ELP4: variants seen among roughly 807,000 people sequenced by gnomAD.
The protein encoded by ELP4 is elongator acetyltransferase complex subunit 4.
In ELP4, 51 loss-of-function variants were observed where a neutral mutation model predicts 48.9. The observed-to-expected ratio is 1.04, with a 90% CI of 0.83 to 1.32. The LOEUF (loss-of-function observed/expected upper bound fraction) is 1.32, where lower values mean the gene tolerates loss of function less well. Among genes scored for constraint, ELP4 ranks in the 40% most tolerant of loss-of-function variants. The probability of loss-of-function intolerance (pLI) is 0.00; values close to 1 mark genes in which losing one functional copy is unlikely to be tolerated. For synonymous variants in ELP4, 210 were observed against 189.2 expected, an observed-to-expected ratio of 1.11 and a Z score of -0.90; for missense variants, 519 against 514.6, an observed-to-expected ratio of 1.01 and a Z score of -0.08.
At chr11:31,714,566 A>G (rs780385837) in intron 9 of ELP4, 32 of 397,938 alleles carry the variant, frequency 8.0e-5, no homozygotes, top group Non-Finnish European at 1.3e-4. Context: ...TATTGCTGCT[A>G]TGAAAAATTG....
chr11:31,562,730 A>G (rs1362519008), intron 3 of ELP4, among the ~76,000 whole-genome samples: 1 of 152,164 alleles, frequency 6.6e-6, no homozygotes, highest in African/African-American at 2.4e-5. Context: ...TAGTTGAAGT[A>G]TGCGTGGAAA....
intron 9 of ELP4, among the ~76,000 whole-genome samples, chr11:31,685,000 A>C (rs923083703): frequency 5.9e-5 from 9 of 152,220 alleles, no homozygotes; most frequent in Non-Finnish European, 1.0e-4. Flanking sequence ...TGGTACTTTA[A>C]GACATAATAC....
intron 2 of ELP4, 143 bp from the exon 3 acceptor site, chr11:31,539,519 C>A: frequency 1.5e-6 from 1 of 677,536 alleles, no homozygotes. Flanking sequence ...ATCTATGCCT[C>A]AGGAATACGC....
rs117893297 is a variant in ELP4, at chr11:31,682,927, G to A, written c.1143+32706G>A. 1.8e-3 allele frequency among the ~76,000 whole-genome samples: 281 copies of A among 151,992 alleles called. 7 individuals carry two copies. The East Asian group carries it at 0.039, about 21-fold the overall frequency. ...TATTTTGACACCTTGCCCATTTGACGGTAAGTTTCTTGAGGTCAGAAAGTC... is the reference window on the plus strand; with the variant it reads ...TATTTTGACACCTTGCCCATTTGACAGTAAGTTTCTTGAGGTCAGAAAGTC... On this transcript the variant is annotated intron_variant, in intron 9 of 9. Transcript: ENST00000640961.
intron 9 of ELP4, among the ~76,000 whole-genome samples, chr11:31,756,708 G>A (rs970456942): frequency 1.3e-5 from 2 of 152,164 alleles, no homozygotes; most frequent in African/African-American, 4.8e-5. Context: ...GAGAGGACAG[G>A]GAGGTTTTAA....
At position 31,597,895 on chromosome 11, in the gene ELP4, A is replaced by G. The variant is rs1957701702; in HGVS notation, c.513+2994A>G. ...TTTGGTCTTTTCATTGGTAATTAGC[A>G]TTCTCAAGTGAAATGGTTGTCAAAA... On this transcript the variant is annotated intron_variant, in intron 4 of 9. Coordinates refer to ENST00000640961, the MANE Select transcript of ELP4 (RefSeq NM_019040.5). Among the ~76,000 whole-genome samples, 4 of 149,720 alleles carry G rather than the reference A, an allele frequency of 2.7e-5. No individual in the cohort carries two copies. The South Asian group carries it at 8.4e-4, about 31-fold the overall frequency.
chr11:31,789,829 A>C lies in ELP4; in HGVS notation c.*6305A>C, dbSNP rs765087371. 4 of 1,034,540 alleles carry C rather than the reference A, an allele frequency of 3.9e-6. No homozygotes were observed. In the South Asian group the frequency reaches 5.4e-5, roughly 14 times the overall value. The allele number at this position is 1,034,540 out of a possible 1,614,324, so 64.1% of individuals were successfully genotyped here. ...ACAATTGTAGAACTGAAGCGGCTCT[A>C]ACAGCCATTTTTCTTTCTTTCCTGA... On this transcript the variant is annotated 3_prime_UTR_variant, in exon 10 of 10. Transcript: ENST00000640961.
At chr11:31,514,362 T>TG (rs951891984) in intron 1 of ELP4, among the ~76,000 whole-genome samples, 11 of 152,140 alleles carry the variant, frequency 7.2e-5, no homozygotes, top group African/African-American at 2.4e-4. Flanking sequence ...AGGAGGCTGA[T>TG]GGGGGAGAAG....
chr11:31,548,197 T>A (rs1956770780), intron 3 of ELP4, among the ~76,000 whole-genome samples: 1 of 152,178 alleles, frequency 6.6e-6, no homozygotes, highest in South Asian at 2.1e-4. Context: ...AGTCAAATTG[T>A]CCCTGTTTAC....
At position 31,786,930 on chromosome 11, in the gene ELP4, A is replaced by C; in HGVS notation, c.*3406A>C. On this transcript the variant is annotated 3_prime_UTR_variant, in exon 10 of 10. Coordinates refer to ENST00000640961, the MANE Select transcript of ELP4 (RefSeq NM_019040.5). ...GACGTTTAGTCCTGGGATTCTACTG[A>C]AGTCTTCACAAATAATCTCCATCCT... The C allele has an allele frequency of 9.1e-6, 2 of 220,438 alleles. No homozygotes were observed. Among genetic ancestry groups the C allele is most frequent in the Non-Finnish European group, 1.8e-5 (2 of 110,034 alleles). The allele number at this position is 220,438 out of a possible 1,614,324, so 13.7% of individuals were successfully genotyped here. A position where few individuals can be genotyped will look rare whatever the true frequency, so the allele number is the denominator to read the frequency against.
At chr11:31,717,301 T>G (rs758453544) in intron 9 of ELP4, among the ~76,000 whole-genome samples, 2 of 152,234 alleles carry the variant, frequency 1.3e-5, no homozygotes, top group Non-Finnish European at 2.9e-5. Context: ...CGCAGTCACA[T>G]TAGCAGTAAC....
intron 6 of ELP4, among the ~76,000 whole-genome samples, chr11:31,630,101 A>T (rs558327598): frequency 6.6e-6 from 1 of 152,100 alleles, no homozygotes; most frequent in Non-Finnish European, 1.5e-5. Context: ...AGGGTGTCTT[A>T]GGTGGTTGTC....
intron 6 of ELP4, among the ~76,000 whole-genome samples, chr11:31,627,640 T>G (rs1944774236): frequency 6.6e-6 from 1 of 152,080 alleles, no homozygotes; most frequent in Non-Finnish European, 1.5e-5. Context: ...AATACATTTT[T>G]ATTTGCCATA....
intron 2 of ELP4, among the ~76,000 whole-genome samples, chr11:31,525,505 TGAA>T (rs1956282581): frequency 6.6e-6 from 1 of 152,010 alleles, no homozygotes; most frequent in South Asian, 2.1e-4. Context: ...AAAGGAGTGA[TGAA>T]GAAAAAAAAT....
intron 5 of ELP4, among the ~76,000 whole-genome samples, chr11:31,624,306 A>T (rs1592168267): frequency 6.6e-6 from 1 of 151,782 alleles, no homozygotes. Flanking sequence ...CAGTCTACAT[A>T]CCTAGGCTCT....
intron 9 of ELP4, chr11:31,682,183 A>G (rs1946068262): frequency 1.2e-6 from 1 of 859,750 alleles, no homozygotes; most frequent in African/African-American, 1.9e-5. Flanking sequence ...GATTTAAGTG[A>G]AGAGCTGTAC....
chr11:31,687,672 TGAAA>T (rs796927090), intron 9 of ELP4: 27 of 152,252 alleles, frequency 1.8e-4, no homozygotes, highest in African/African-American at 6.5e-4. Flanking sequence ...TTCTTGAGAA[TGAAA>T]GAAAGGAGAA....
At chr11:31,736,850 T>C (rs1322904016) in intron 9 of ELP4, among the ~76,000 whole-genome samples, 36 of 152,076 alleles carry the variant, frequency 2.4e-4, no homozygotes, top group African/African-American at 6.3e-4. Flanking sequence ...GAAATAGGAA[T>C]ACTTTTACAC....
intron 9 of ELP4, among the ~76,000 whole-genome samples, chr11:31,746,908 A>G (rs997820763): frequency 7.1e-6 from 1 of 141,504 alleles, no homozygotes; most frequent in Non-Finnish European, 1.5e-5. Context: ...AATTTTTTTA[A>G]AAAGTGAAAA....
Sources: gnomAD v4.1 joint callset for allele counts (sites outside exome capture counted in the v4.1 genomes callset) on GRCh38, gnomAD v4.1.1 for gene constraint, MANE v1.5 for transcripts, NCBI Gene and HGNC (gene_info 2026-07-23, HGNC 2026-07-21) for gene names.